The following CTNND2 variants were observed in gnomAD, a reference collection of about 807,000 sequenced individuals.
CTNND2 encodes the protein catenin delta 2.
CTNND2 carries 22 observed loss-of-function variants against 144.4 expected under a neutral mutation model. That is an observed-to-expected ratio of 0.15 (90% CI 0.11 to 0.22). The LOEUF (loss-of-function observed/expected upper bound fraction) is 0.22. CTNND2 is among the 10% of genes least tolerant of loss of function. The pLI is 1.00. For missense variants in CTNND2, 1,353 were observed against 1,618.8 expected (o/e 0.84, Z 2.82); for synonymous variants, 751 against 695.6 (o/e 1.08, Z -1.25).
intron 18 of CTNND2, among the ~76,000 whole-genome samples, chr5:11,003,487 G>T (rs1057448911): frequency 6.6e-6 from 1 of 152,140 alleles, no homozygotes; most frequent in African/African-American, 2.4e-5. Flanking sequence ...ATTAAGCAGA[G>T]AATGAAAATA....
At chr5:11,365,110 C>A (rs536608142) in intron 7 of CTNND2, among the ~76,000 whole-genome samples, 4 of 152,308 alleles carry the variant, frequency 2.6e-5, no homozygotes, top group African/African-American at 9.6e-5. Context: ...CTAAAAATGA[C>A]AACGTTTCTG....
At chr5:11,761,193 T>C (rs1435702761) in intron 1 of CTNND2, among the ~76,000 whole-genome samples, 2 of 152,176 alleles carry the variant, frequency 1.3e-5, no homozygotes, top group Non-Finnish European at 2.9e-5. Context: ...CATGAGGCAA[T>C]GCACTCGGAT....
intron 2 of CTNND2, among the ~76,000 whole-genome samples, chr5:11,709,682 G>A (rs10035570): frequency 0.19 from 29,453 of 151,950 alleles, 4,232 homozygotes; most frequent in African/African-American, 0.41. Flanking sequence ...CATCATTTAA[G>A]AAACGGTAGA....
chr5:11,364,525 G>A, intron 8 of CTNND2, 171 bp downstream of exon 8: 1 of 515,298 alleles, frequency 1.9e-6, no homozygotes, highest in East Asian at 3.5e-5. Context: ...CTGAATTAAA[G>A]TCATATTCTG....
Position 10,973,377 on chromosome 5 carries a change from A to G in CTNND2, c.*76T>C. ...TTTAACAAACTAAATTTGCAGGAGA[A>G]AAAAACAAAACAGAAAGAAATGTCT... On this transcript the variant is annotated 3_prime_UTR_variant, in exon 22 of 22. Coordinates refer to ENST00000304623, the MANE Select transcript of CTNND2 (RefSeq NM_001332.4). The surrounding 1 kb of genome is among the most constrained non-coding windows in gnomAD (Gnocchi z 5.6). The G allele has an allele frequency of 7.0e-7, 1 of 1,437,100 alleles. No homozygotes were observed. The highest frequency in any genetic ancestry group is 2.6e-5 in the Admixed American group (1 of 37,784). 89.0% of individuals were successfully genotyped at this position (1,437,100 alleles called of 1,614,324 possible). A position where few individuals can be genotyped will look rare whatever the true frequency, so the allele number is the denominator to read the frequency against.
intron 2 of CTNND2, among the ~76,000 whole-genome samples, chr5:11,593,744 T>G (rs1389872497): frequency 6.6e-6 from 1 of 152,174 alleles, no homozygotes; most frequent in African/African-American, 2.4e-5. Context: ...GAATTGTGAG[T>G]CCATTACACC....
chr5:11,157,697 T>C (rs1758354442), intron 12 of CTNND2, among the ~76,000 whole-genome samples: 2 of 152,242 alleles, frequency 1.3e-5, no homozygotes, highest in African/African-American at 4.8e-5. Context: ...CATACTAAAA[T>C]CTAAAGCCTT....
intron 3 of CTNND2, among the ~76,000 whole-genome samples, chr5:11,509,642 G>A (rs552019891): frequency 6.4e-4 from 97 of 152,196 alleles, no homozygotes; most frequent in Admixed American, 1.6e-3. Flanking sequence ...ATAGATAAAA[G>A]GTAAATAAGA....
intron 9 of CTNND2, among the ~76,000 whole-genome samples, chr5:11,267,218 C>T (rs1216529317): frequency 6.6e-6 from 1 of 152,126 alleles, no homozygotes; most frequent in Admixed American, 6.5e-5. Context: ...TTGGGAAGGG[C>T]ATGCTTCTGC....
intron 2 of CTNND2, among the ~76,000 whole-genome samples, chr5:11,638,852 G>C (rs894975132): frequency 6.6e-6 from 1 of 152,124 alleles, no homozygotes; most frequent in African/African-American, 2.4e-5. Context: ...AGGATTATAG[G>C]CATGAGCCAC....
At chr5:11,890,999 C>T (rs1736913044) in intron 1 of CTNND2, among the ~76,000 whole-genome samples, 1 of 152,204 alleles carries the variant, frequency 6.6e-6, no homozygotes. Context: ...GATGAGCTCA[C>T]AGTGGGTTGG....
At chr5:11,262,487 G>T (rs529731169) in intron 9 of CTNND2, among the ~76,000 whole-genome samples, 142 of 152,206 alleles carry the variant, frequency 9.3e-4, no homozygotes, top group Non-Finnish European at 1.8e-3. Context: ...TGTTGGCCGG[G>T]CGCAGTGGCT....
chr5:11,303,179 C>T (rs1452508883), intron 9 of CTNND2, among the ~76,000 whole-genome samples: 1 of 152,172 alleles, frequency 6.6e-6, no homozygotes, highest in African/African-American at 2.4e-5. Flanking sequence ...GGCAGCTTCT[C>T]GAAAATACAG....
chr5:11,507,226 A>G (rs911224986), intron 3 of CTNND2, among the ~76,000 whole-genome samples: 1 of 152,200 alleles, frequency 6.6e-6, no homozygotes, highest in Non-Finnish European at 1.5e-5. Context: ...ATGGCTTTAA[A>G]TGACTGAGAA....
chr5:11,820,938 G>A (rs1389587833), intron 1 of CTNND2, among the ~76,000 whole-genome samples: 3 of 152,206 alleles, frequency 2.0e-5, no homozygotes, highest in Non-Finnish European at 4.4e-5. Context: ...TAAGCTTTCA[G>A]AGGGATTGAC....
chr5:11,817,572 G>A (rs1222631507), intron 1 of CTNND2, among the ~76,000 whole-genome samples: 2 of 151,926 alleles, frequency 1.3e-5, no homozygotes, highest in Non-Finnish European at 2.9e-5. Context: ...AGTGAAGGGG[G>A]GAAGCGGAGG....
chr5:11,150,843 C>G (rs1341312306), intron 12 of CTNND2, among the ~76,000 whole-genome samples: 1 of 152,150 alleles, frequency 6.6e-6, no homozygotes, highest in Admixed American at 6.5e-5. Context: ...TCAGGCTGGT[C>G]TGGAACTCCT....
At chr5:11,138,629 G>A (rs1454051881) in intron 12 of CTNND2, among the ~76,000 whole-genome samples, 1 of 152,188 alleles carries the variant, frequency 6.6e-6, no homozygotes, top group African/African-American at 2.4e-5. Context: ...ATTGGTGTGA[G>A]TTCGGCTCAA....
intron 3 of CTNND2, among the ~76,000 whole-genome samples, chr5:11,472,129 G>T (rs915762986): frequency 3.9e-5 from 6 of 152,074 alleles, no homozygotes; most frequent in African/African-American, 1.4e-4. Context: ...ATAAGTACTT[G>T]TTCATCCTAT....
Sources: allele counts gnomAD v4.1 joint callset (sites outside exome capture counted in the v4.1 genomes callset), GRCh38; gene constraint gnomAD v4.1.1; non-coding constraint Gnocchi (gnomAD v3.1); transcripts MANE v1.5; gene names NCBI Gene and HGNC (gene_info 2026-07-23, HGNC 2026-07-21).